LSMEM2: variants seen among roughly 807,000 people sequenced by gnomAD.
LSMEM2 encodes the protein leucine rich single-pass membrane protein 2.
In LSMEM2, 20 loss-of-function variants were observed where a neutral mutation model predicts 17.3. The ratio of observed to expected loss-of-function variants is 1.16; its 90% CI spans 0.81 to 1.68. LSMEM2 has a LOEUF of 1.68. LSMEM2 is among the 40% of genes most tolerant of loss of function. The pLI is 0.00. For synonymous variants in LSMEM2, 94 were observed against 97.8 expected (o/e 0.96, Z 0.23); for missense variants, 207 against 214.3 (o/e 0.97, Z 0.21).
In LSMEM2 at chr3:50,287,105, C is replaced by T. The variant is rs369710882; in HGVS notation, c.398C>T (p.Thr133Met). The change falls in exon 4 of 4, where the codon ACG becomes ATG. Residue 133 changes from threonine (T) to methionine (M), a missense_variant. Transcript: ENST00000316436. ...GAATCCCTGCGCATCCTGGCACACA[C>T]GCTCCGCACGCAGGAGGAGACACTA... ...QSESLRILAH[T>M]LRTQEETLLK... 48 of 1,614,076 alleles carry T rather than the reference C, an allele frequency of 3.0e-5. No homozygotes were observed. The highest frequency in any genetic ancestry group is 2.0e-4 in the Admixed American group (12 of 59,990).
upstream of LSMEM2, among the ~76,000 whole-genome samples, chr3:50,278,422 T>C (rs77749742): frequency 9.1e-3 from 1,392 of 152,300 alleles, 19 homozygotes; most frequent in African/African-American, 0.032. Flanking sequence ...TTGTTCTCAG[T>C]GTACACTGCC....
chr3:50,286,386 G>GC, intron 1 of LSMEM2, 85 bp from the exon 2 acceptor site: 1 of 1,487,212 alleles, frequency 6.7e-7, no homozygotes, highest in Non-Finnish European at 8.9e-7. Context: ...CCTATCATCC[G>GC]CAAGTCCTTG....
chr3:50,280,808 T>C (rs1309791084), intron 1 of LSMEM2, among the ~76,000 whole-genome samples: 3 of 151,826 alleles, frequency 2.0e-5, no homozygotes, highest in Admixed American at 1.3e-4. Context: ...TTAGCCGGCA[T>C]GGTCTCGATC....
In LSMEM2 at chr3:50,287,324, T is replaced by C. The variant is rs1485886531; in HGVS notation, c.*122T>C. 5 of 1,337,950 alleles carry C rather than the reference T, an allele frequency of 3.7e-6. No homozygotes were observed. Among genetic ancestry groups the C allele is most frequent in the Non-Finnish European group, 5.2e-6 (5 of 961,858 alleles). The allele number at this position is 1,337,950 out of a possible 1,614,324, so 82.9% of individuals were successfully genotyped here. On this transcript the variant is annotated 3_prime_UTR_variant, in exon 4 of 4. Transcript: ENST00000316436. The stretch of plus-strand genomic sequence containing the variant: ...TACACTATTTCCTTGGTGAGATTTT[T>C]GTACAAGAACCTGTTGTTAACTTAA...
At chr3:50,284,263 A>C (rs1335643646) in intron 1 of LSMEM2, among the ~76,000 whole-genome samples, 1 of 151,880 alleles carries the variant, frequency 6.6e-6, no homozygotes, top group African/African-American at 2.4e-5. Context: ...CTAGGCTAAG[A>C]AACCCAATAA....
At chr3:50,286,645 A>G (rs1553708529) in intron 2 of LSMEM2, 29 bp from the exon 3 acceptor site, 6 of 1,611,360 alleles carry the variant, frequency 3.7e-6, no homozygotes, top group Middle Eastern at 1.7e-4. Flanking sequence ...AGGTGCACCC[A>G]CCACCCTCCC....
chr3:50,286,386 G>C, intron 1 of LSMEM2, 85 bp from the exon 2 acceptor site: 1 of 1,487,212 alleles, frequency 6.7e-7, no homozygotes, highest in Non-Finnish European at 8.9e-7. Flanking sequence ...CCTATCATCC[G>C]CAAGTCCTTG....
chr3:50,287,145 G>A lies in LSMEM2; in HGVS notation c.438G>A (p.Leu146=). Residue 146 remains leucine (L), a synonymous_variant, in exon 4 of 4, where the codon TTG becomes TTA. Coordinates refer to ENST00000316436, the MANE Select transcript of LSMEM2 (RefSeq NM_153215.3). ...AGGAGACACTACTCAAACTCCGCTT[G>A]GCCAGCCTCAGCCAGCTTCGGAGGC... ...TQEETLLKLR[L]ASLSQLRRLN... is the part of the protein sequence containing the mutation. The A allele has an allele frequency of 6.2e-7, 1 of 1,614,144 alleles. No homozygotes were observed. The highest frequency in any genetic ancestry group is 8.5e-7 in the Non-Finnish European group (1 of 1,180,024).
At position 50,286,687 on chromosome 3, in the gene LSMEM2, C is replaced by T; in HGVS notation, c.186C>T (p.Arg62=). Residue 62 remains arginine (R), a synonymous_variant, in exon 3 of 4, where the codon CGC becomes CGT. Coordinates refer to ENST00000316436, the MANE Select transcript of LSMEM2 (RefSeq NM_153215.3). ...SDLHSGAGTL[R]PYLTEEARPW... ...CCATCCACCCAGCAGGCACACTGCG[C>T]CCCTATCTAACTGAAGAGGCACGAC... 1 of 1,613,902 alleles carries T rather than the reference C, an allele frequency of 6.2e-7. No individual in the cohort carries two copies. Among genetic ancestry groups the T allele is most frequent in the East Asian group, 2.2e-5 (1 of 44,882 alleles).
At chr3:50,278,757 G>C (rs587678130), upstream of LSMEM2, among the ~76,000 whole-genome samples, 2 of 152,338 alleles carry the variant, frequency 1.3e-5, no homozygotes, top group East Asian at 3.9e-4. Context: ...TGCAGGGGTA[G>C]AGGGGTGGCC....
At chr3:50,281,553 C>T (rs782755344) in intron 1 of LSMEM2, among the ~76,000 whole-genome samples, 13 of 151,298 alleles carry the variant, frequency 8.6e-5, no homozygotes, top group African/African-American at 1.2e-4. Context: ...TTGGTAGAGA[C>T]GGGGTTTCAC....
At chr3:50,281,754 C>T (rs1701405071) in intron 1 of LSMEM2, among the ~76,000 whole-genome samples, 1 of 149,080 alleles carries the variant, frequency 6.7e-6, no homozygotes, top group Non-Finnish European at 1.5e-5. Flanking sequence ...TCACAGCTCA[C>T]TGCAGCCTTG....
chr3:50,279,981 T>G (rs1221967175), intron 1 of LSMEM2, among the ~76,000 whole-genome samples: 1 of 151,390 alleles, frequency 6.6e-6, no homozygotes, highest in Non-Finnish European at 1.5e-5. Flanking sequence ...ATTCAAGCAA[T>G]TCTCTGCCTC....
intron 1 of LSMEM2, among the ~76,000 whole-genome samples, chr3:50,281,359 C>CG (rs1553707751): frequency 8.6e-6 from 1 of 116,886 alleles, no homozygotes; most frequent in South Asian, 2.6e-4. Flanking sequence ...TGCGCCCGGC[C>CG]CTTTTTTTTT....
Position 50,286,565 on chromosome 3 carries a change from C to G in LSMEM2, c.153C>G (p.Ile51Met). 1 of 1,612,074 alleles carries G rather than the reference C, an allele frequency of 6.2e-7. No individual in the cohort carries two copies. The highest frequency in any genetic ancestry group is 8.5e-7 in the Non-Finnish European group (1 of 1,179,158). The stretch of plus-strand genomic sequence containing the variant: ...TATGCCTGCACCAGGTGGAGTCCAT[C>G]AGCGACCTACATAGTGGAGGTGAGT... ...HEVCLHQVESISDLHSGAGTL... is the reference protein window; with the variant it reads ...HEVCLHQVESMSDLHSGAGTL... The change falls in exon 2 of 4, where the codon ATC becomes ATG. Residue 51 changes from isoleucine to methionine, a missense_variant. By Grantham distance (10) the Ile-to-Met change is conservative. Coordinates refer to ENST00000316436, the MANE Select transcript of LSMEM2 (RefSeq NM_153215.3).
At chr3:50,280,688 G>T (rs903851580) in intron 1 of LSMEM2, among the ~76,000 whole-genome samples, 8 of 151,704 alleles carry the variant, frequency 5.3e-5, no homozygotes, top group Non-Finnish European at 8.8e-5. Context: ...CCGCCTTCCG[G>T]GTTCACGCCA....
rs913117928 is a variant in LSMEM2, at chr3:50,287,888, A to G, written c.*686A>G. Reference sequence around the variant, plus strand: ...CCCTAAGAGTGGGTCATCCTGGGGGAGCAAGGCCTGAGAAAGGAAAGGAAG... The same window carrying G: ...CCCTAAGAGTGGGTCATCCTGGGGGGGCAAGGCCTGAGAAAGGAAAGGAAG... On this transcript the variant is annotated 3_prime_UTR_variant, in exon 4 of 4. Coordinates refer to ENST00000316436, the MANE Select transcript of LSMEM2 (RefSeq NM_153215.3). 1.6e-5 allele frequency: 6 copies of G among 380,176 alleles called. No homozygotes were observed. Among genetic ancestry groups the G allele is most frequent in the Admixed American group, 3.9e-5 (1 of 25,502 alleles). The allele number at this position is 380,176 out of a possible 1,614,324, so 23.6% of individuals were successfully genotyped here. A position where few individuals can be genotyped will look rare whatever the true frequency, so the allele number is the denominator to read the frequency against.
intron 1 of LSMEM2, among the ~76,000 whole-genome samples, chr3:50,284,203 CAA>C (rs1235329401): frequency 9.7e-5 from 4 of 41,336 alleles, no homozygotes; most frequent in African/African-American, 1.1e-4. Flanking sequence ...AAGACTGTCT[CAA>C]AAAAAAAAAA....
chr3:50,286,337 G>A, intron 1 of LSMEM2, 134 bp from the exon 2 acceptor site: 1 of 1,324,622 alleles, frequency 7.5e-7, no homozygotes, highest in Non-Finnish European at 1.0e-6. Context: ...TAATTCCTGA[G>A]TCAGTTTTAG....
Sources: gnomAD v4.1 joint callset for allele counts (sites outside exome capture counted in the v4.1 genomes callset) on GRCh38, gnomAD v4.1.1 for gene constraint, MANE v1.5 for transcripts, NCBI Gene and HGNC (gene_info 2026-07-23, HGNC 2026-07-21) for gene names.